CUL2: variants seen among roughly 807,000 people sequenced by gnomAD.
The protein encoded by CUL2 is cullin 2.
Under a neutral mutation model 110.2 loss-of-function variants are expected in CUL2, and 22 were observed. The observed-to-expected ratio is 0.20, with a 90% confidence interval of 0.14 to 0.28. CUL2 has a LOEUF of 0.28. Ranked by LOEUF, CUL2 falls within the 10% of genes least tolerant of loss-of-function variation. The probability of loss-of-function intolerance (pLI) is 1.00; values close to 1 mark genes in which losing one functional copy is unlikely to be tolerated. For synonymous variants in CUL2, 279 were observed against 293.2 expected, an observed-to-expected ratio of 0.95 and a Z score of 0.49; for missense variants, 631 against 905.5, an observed-to-expected ratio of 0.70 and a Z score of 3.89.
chr10:35,108,439 A>C (rs1170412432), intron 1 of CUL2, among the ~76,000 whole-genome samples: 11 of 151,412 alleles, frequency 7.3e-5, no homozygotes, highest in Non-Finnish European at 1.6e-4. Context: ...CCTGGGCGAC[A>C]GTTAGACCCT....
At chr10:35,107,671 A>G (rs934944750) in intron 1 of CUL2, among the ~76,000 whole-genome samples, 26 of 151,464 alleles carry the variant, frequency 1.7e-4, no homozygotes, top group Non-Finnish European at 3.1e-4. Flanking sequence ...TCACGAGGTC[A>G]GGAGATGGAG....
At chr10:35,097,945 C>A (rs1262407779) in intron 2 of CUL2, 1 of 151,410 alleles carries the variant, frequency 6.6e-6, no homozygotes, top group Non-Finnish European at 1.5e-5. Flanking sequence ...GGTGACAGAC[C>A]AAGACTCTGA....
At chr10:35,118,025 T>C (rs1409616403) in intron 1 of CUL2, among the ~76,000 whole-genome samples, 1 of 152,224 alleles carries the variant, frequency 6.6e-6, no homozygotes, top group African/African-American at 2.4e-5. Flanking sequence ...TTAGAACTGA[T>C]GAACCTACAT....
At chr10:35,027,287 G>A (rs970105715) in intron 16 of CUL2, among the ~76,000 whole-genome samples, 2 of 151,908 alleles carry the variant, frequency 1.3e-5, no homozygotes, top group Admixed American at 6.6e-5. Context: ...TGGGACTACA[G>A]GTGCATGCCA....
chr10:35,121,165 G>A (rs1257446779), intron 1 of CUL2, among the ~76,000 whole-genome samples: 1 of 152,214 alleles, frequency 6.6e-6, no homozygotes, highest in African/African-American at 2.4e-5. Context: ...ATTAGAGAAA[G>A]AGTGTTAACT....
chr10:35,063,024 A>C lies in CUL2; in HGVS notation c.158T>G (p.Leu53Arg). ...AGTTTCTGTATAAAGTCTTTCTCCA[A>C]GGGGTTCAGGATAGGCCACACATAA... The part of the protein sequence containing the change: ...YALCVAYPEP[L>R]GERLYTETKI... Residue 53 changes from leucine (L) to arginine (R), a missense_variant, in exon 3 of 21, where the codon CTT (leucine) becomes CGT (arginine). Leu to Arg is a moderately radical substitution (Grantham distance 102). Around this residue, in one of 3 missense-constraint regions of CUL2, gnomAD observed 338 missense variants for 442.5 expected, o/e 0.76. Transcript: ENST00000374749. 1 of 1,611,266 alleles carries C rather than the reference A, an allele frequency of 6.2e-7. No homozygotes were observed. The highest frequency in any genetic ancestry group is 8.5e-7 in the Non-Finnish European group (1 of 1,177,570).
chr10:35,058,341 A>AC (rs979865782), intron 4 of CUL2, among the ~76,000 whole-genome samples: 3 of 151,882 alleles, frequency 2.0e-5, no homozygotes, highest in Non-Finnish European at 2.9e-5. Context: ...TATTAGCCAG[A>AC]CCCCCGTGGT....
rs899617770 is a variant in CUL2 at position 35,031,025 on chromosome 10, C to T, written c.1386+275G>A. Among the ~76,000 whole-genome samples the T allele has an allele frequency of 5.9e-5, 9 of 152,122 alleles. No homozygotes were observed. The highest frequency in any genetic ancestry group is 8.8e-5 in the Non-Finnish European group (6 of 68,024). ...AATAAATTGAAATGGAATTGCACTC[C>T]AAAATCTGTACTTAAAGGAATATTT... is the stretch of plus-strand genomic sequence containing the variant. On this transcript the variant is annotated intron_variant, in intron 14 of 20. Transcript: ENST00000374749. This position sits in a 1 kb window ranked among gnomAD's most constrained non-coding sequence, Gnocchi z 4.4.
intron 8 of CUL2, among the ~76,000 whole-genome samples, chr10:35,042,928 A>T (rs2085832254): frequency 6.6e-6 from 1 of 151,948 alleles, no homozygotes; most frequent in Non-Finnish European, 1.5e-5. Flanking sequence ...TCAGTCCCCA[A>T]ACTGTGGGAT....
In CUL2 at chr10:35,009,688, C is replaced by A. The variant is rs1588936963; in HGVS notation, c.*623G>T. On this transcript the variant is annotated 3_prime_UTR_variant, in exon 21 of 21. Coordinates refer to ENST00000374749, the MANE Select transcript of CUL2 (RefSeq NM_003591.4). The stretch of plus-strand genomic sequence containing the variant: ...AATAAAGCATTCTTTATGCTGAATG[C>A]AGTCCTATGCAGTCAAGAACAATAA... 1 of 152,474 alleles carries A rather than the reference C, an allele frequency of 6.6e-6. No individual in the cohort carries two copies. The highest frequency in any genetic ancestry group is 1.5e-5 in the Non-Finnish European group (1 of 68,024). The allele number at this position is 152,474 out of a possible 1,614,324, so 9.4% of individuals were successfully genotyped here. A position where few individuals can be genotyped will look rare whatever the true frequency, so the allele number is the denominator to read the frequency against.
At position 35,074,233 on chromosome 10, in the gene CUL2, C is replaced by T. The variant is rs553871269; in HGVS notation, c.-22-2894G>A. On this transcript the variant is annotated intron_variant, in intron 1 of 20. Transcript: ENST00000374749. ...ACCATGTTACTCTGTACATAAAGTA[C>T]AAAGTTTGTTGTTTCCTTCTACAGA... 109 of 1,534,892 alleles carry T rather than the reference C, an allele frequency of 7.1e-5. No individual in the cohort carries two copies. The South Asian group carries it at 1.3e-3, about 18-fold the overall frequency.
At chr10:35,027,954 A>G (rs1479338781) in intron 16 of CUL2, among the ~76,000 whole-genome samples, 1 of 152,224 alleles carries the variant, frequency 6.6e-6, no homozygotes, top group East Asian at 1.9e-4. Context: ...AGGAAAGAGG[A>G]AAGAAAAAAC....
At chr10:35,041,242 A>C (rs886628406) in intron 8 of CUL2, among the ~76,000 whole-genome samples, 1 of 152,260 alleles carries the variant, frequency 6.6e-6, no homozygotes, top group African/African-American at 2.4e-5. Context: ...CAGGAATTAC[A>C]GTGGGTCTGA....
At chr10:35,070,266 A>G (rs1006969620) in intron 2 of CUL2, among the ~76,000 whole-genome samples, 1 of 152,208 alleles carries the variant, frequency 6.6e-6, no homozygotes, top group Admixed American at 6.5e-5. Context: ...TGCCCAGAAC[A>G]TAGTTGGCTT....
intron 2 of CUL2, among the ~76,000 whole-genome samples, chr10:35,063,580 T>C (rs1162655782): frequency 6.6e-6 from 1 of 152,118 alleles, no homozygotes; most frequent in Non-Finnish European, 1.5e-5. Flanking sequence ...AGAAGAAATA[T>C]ACCATGAATA....
At chr10:35,084,029 C>T (rs1430202075) in intron 1 of CUL2, among the ~76,000 whole-genome samples, 1 of 152,144 alleles carries the variant, frequency 6.6e-6, no homozygotes, top group Admixed American at 6.5e-5. Context: ...GTAATCCCAG[C>T]ACCTTGGAAG....
chr10:35,064,816 T>A (rs1048307391), intron 2 of CUL2, among the ~76,000 whole-genome samples: 2 of 152,184 alleles, frequency 1.3e-5, no homozygotes, highest in Non-Finnish European at 2.9e-5. Context: ...GTGCTAGGAT[T>A]ACAGGTATGA....
chr10:35,085,586 T>C (rs933646822), intron 1 of CUL2, among the ~76,000 whole-genome samples: 18 of 140,944 alleles, frequency 1.3e-4, no homozygotes, highest in African/African-American at 3.5e-4. Context: ...CTATGAAAAA[T>C]ACAAAAAATT....
intron 1 of CUL2, among the ~76,000 whole-genome samples, chr10:35,105,862 CTT>C (rs1368908410): frequency 2.1e-5 from 3 of 142,878 alleles, no homozygotes; most frequent in Non-Finnish European, 3.0e-5. Context: ...CATCGATAAA[CTT>C]TAGGAGAAAA....
Sources: allele counts gnomAD v4.1 joint callset (sites outside exome capture counted in the v4.1 genomes callset), GRCh38; gene constraint gnomAD v4.1.1; regional missense constraint gnomAD v4.1.1; non-coding constraint Gnocchi (gnomAD v3.1); transcripts MANE v1.5; gene names NCBI Gene and HGNC (gene_info 2026-07-23, HGNC 2026-07-21).